The following ACTR5 variants were observed in gnomAD, a reference collection of about 807,000 sequenced individuals.
The protein encoded by ACTR5 is actin related protein 5.
A neutral mutation model predicts 61.2 loss-of-function variants in ACTR5; 43 were observed. The ratio of observed to expected loss-of-function variants is 0.70; its 90% confidence interval spans 0.55 to 0.91. The LOEUF (loss-of-function observed/expected upper bound fraction) is 0.91. ACTR5 is among the 40% of genes least tolerant of loss of function. The pLI is 0.00. For missense variants in ACTR5, 798 were observed against 782.2 expected (o/e 1.02, Z -0.24); for synonymous variants, 333 against 310.5 (o/e 1.07, Z -0.76).
intron 8 of ACTR5, among the ~76,000 whole-genome samples, chr20:38,769,950 G>GA (rs892334257): frequency 6.6e-6 from 1 of 152,026 alleles, no homozygotes; most frequent in Non-Finnish European, 1.5e-5. Context: ...AAGTAGTAGA[G>GA]AAAAAAATCG....
rs202164499 is a variant in ACTR5 at position 38,750,168 on chromosome 20, C to T, written c.534C>T (p.Asn178=). ...GCTTCTACCACAATAAGCCAAAGAA[C>T]TCGATGTGCAGTGGGCTAATCATTT... is the stretch of plus-strand genomic sequence containing the variant. ...LFSFYHNKPK[N]SMCSGLIISS... The change falls in exon 2 of 9, where the codon AAC becomes AAT. Residue 178 remains asparagine, a synonymous_variant. Transcript: ENST00000243903. The T allele has an allele frequency of 6.2e-6, 10 of 1,614,218 alleles. No individual in the cohort carries two copies. The African/African-American group carries it at 8.0e-5, about 13-fold the overall frequency.
Position 38,767,567 on chromosome 20 carries a change from G to A in ACTR5, c.1537G>A (p.Glu513Lys). ...AGCCAGAATGGAGAAGGAACTGTTGGAGATGAGACCCTTCCGGTCTTCTTT... is the reference window on the plus strand; with the variant it reads ...AGCCAGAATGGAGAAGGAACTGTTGAAGATGAGACCCTTCCGGTCTTCTTT... Reference protein sequence around the residue: ...MKARMEKELLEMRPFRSSFQV... With the variant: ...MKARMEKELLKMRPFRSSFQV... The change falls in exon 8 of 9, where the codon GAG becomes AAG. Residue 513 changes from glutamate to lysine, a missense_variant. Glu to Lys is a moderately conservative substitution (Grantham distance 56, BLOSUM62 1). Coordinates refer to ENST00000243903, the MANE Select transcript of ACTR5 (RefSeq NM_024855.4). 6.2e-7 allele frequency: 1 copy of A among 1,614,020 alleles called. No individual in the cohort carries two copies. The highest frequency in any genetic ancestry group is 8.5e-7 in the Non-Finnish European group (1 of 1,179,940).
chr20:38,765,066 G>T (rs753765433), intron 5 of ACTR5, among the ~76,000 whole-genome samples: 19 of 152,222 alleles, frequency 1.2e-4, no homozygotes, highest in Non-Finnish European at 2.6e-4. Flanking sequence ...CCTTCTCTTA[G>T]AGTTGCGTGT....
In ACTR5 at chr20:38,755,189, A is replaced by T. The variant is rs770766360; in HGVS notation, c.993+15A>T. 1 of 1,575,670 alleles carries T rather than the reference A, an allele frequency of 6.3e-7. No individual in the cohort carries two copies. Among genetic ancestry groups the T allele is most frequent in the Non-Finnish European group, 8.6e-7 (1 of 1,160,464 alleles). ...TATATGTGCAGGTAATAGCAGACACAGGGACGGGCGCCCTTCCGTGTTAAC... is the reference window on the plus strand; with the variant it reads ...TATATGTGCAGGTAATAGCAGACACTGGGACGGGCGCCCTTCCGTGTTAAC... On this transcript the variant is annotated intron_variant, in intron 4 of 8. Transcript: ENST00000243903.
At chr20:38,758,291 C>T (rs536453811) in intron 5 of ACTR5, among the ~76,000 whole-genome samples, 1 of 152,232 alleles carries the variant, frequency 6.6e-6, no homozygotes, top group Admixed American at 6.5e-5. Context: ...TTTAAATCTC[C>T]TTGGGTTTAG....
At chr20:38,761,244 G>A (rs187382688) in intron 5 of ACTR5, among the ~76,000 whole-genome samples, 111 of 152,202 alleles carry the variant, frequency 7.3e-4, no homozygotes, top group Middle Eastern at 3.4e-3. Flanking sequence ...CTTTAAAATT[G>A]TTGTAGGACA....
At position 38,755,055 on chromosome 20, in the gene ACTR5, G is replaced by A. The variant is rs1474226488; in HGVS notation, c.874G>A (p.Glu292Lys). 2 of 1,614,138 alleles carry A rather than the reference G, an allele frequency of 1.2e-6. No homozygotes were observed. The highest frequency in any genetic ancestry group is 2.7e-5 in the African/African-American group (2 of 74,948). The change falls in exon 4 of 9, where the codon GAG becomes AAG. Residue 292 changes from glutamate (E) to lysine (K), a missense_variant. Transcript: ENST00000243903. The part of the protein sequence containing the change: ...SKLLGSTLTS[E>K]EKQERRQQQL... The stretch of plus-strand genomic sequence containing the variant: ...GCTCCTGGGCAGCACTCTGACCTCT[G>A]AGGAGAAACAAGAAAGGCGGCAGCA...
chr20:38,750,588 T>C (rs964234408), intron 2 of ACTR5, among the ~76,000 whole-genome samples: 3 of 143,564 alleles, frequency 2.1e-5, no homozygotes, highest in African/African-American at 7.6e-5. Context: ...ACCATCTTTG[T>C]GTTCTGGAGT....
Position 38,771,897 on chromosome 20 carries a change from A to G in ACTR5, c.*81A>G, listed in dbSNP as rs898964183. 6.7e-7 allele frequency: 1 copy of G among 1,502,818 alleles called. No homozygotes were observed. The highest frequency in any genetic ancestry group is 1.4e-5 in the African/African-American group (1 of 72,446). The allele number at this position is 1,502,818 out of a possible 1,614,324, so 93.1% of individuals were successfully genotyped here. On this transcript the variant is annotated 3_prime_UTR_variant, in exon 9 of 9. Coordinates refer to ENST00000243903, the MANE Select transcript of ACTR5 (RefSeq NM_024855.4). Reference sequence around the variant, plus strand: ...TGTGACAGGACTGTGATTGTGCTAGATGTACCTGCCCAAGTCTGCTGGTCA... The same window carrying G: ...TGTGACAGGACTGTGATTGTGCTAGGTGTACCTGCCCAAGTCTGCTGGTCA...
chr20:38,758,092 G>T (rs1400649654), intron 5 of ACTR5, among the ~76,000 whole-genome samples: 1 of 151,510 alleles, frequency 6.6e-6, no homozygotes, highest in Non-Finnish European at 1.5e-5. Flanking sequence ...AGGGATTTCA[G>T]ATTTCAAAAA....
chr20:38,755,272 C>T (rs529387368), intron 4 of ACTR5, 98 bp downstream of exon 4: 2 of 1,317,564 alleles, frequency 1.5e-6, no homozygotes, highest in African/African-American at 1.5e-5. Flanking sequence ...GATGCTTTGA[C>T]TGTTTGTCAC....
chr20:38,767,426 G>C (rs749767793), intron 7 of ACTR5, 38 bp from the exon 8 acceptor site: 1 of 1,564,904 alleles, frequency 6.4e-7, no homozygotes, highest in South Asian at 1.2e-5. Context: ...TCTGATATTT[G>C]AGTTAAGGGA....
chr20:38,770,341 C>G (rs1448093994), intron 8 of ACTR5, among the ~76,000 whole-genome samples: 1 of 152,194 alleles, frequency 6.6e-6, no homozygotes, highest in East Asian at 1.9e-4. Context: ...TTAAATATTA[C>G]AAAAATATCA....
Position 38,765,449 on chromosome 20 carries a change from C to T in ACTR5, c.1224C>T (p.Ser408=), listed in dbSNP as rs746602299. 2.5e-6 allele frequency: 4 copies of T among 1,614,154 alleles called. No homozygotes were observed. The highest frequency in any genetic ancestry group is 3.4e-6 in the Non-Finnish European group (4 of 1,180,026). The change falls in exon 6 of 9, where the codon AGC becomes AGT. Residue 408 remains serine, a synonymous_variant. Transcript: ENST00000243903. The stretch of plus-strand genomic sequence containing the variant: ...AGCCGTCTTTGGAAGATGTGGAAAG[C>T]ATGAATGATTTTGATCCCTTGTTTT... ...QLEPSLEDVE[S]MNDFDPLFSE... is the part of the protein sequence containing the mutation.
chr20:38,767,956 T>A (rs1348945971), intron 8 of ACTR5, among the ~76,000 whole-genome samples: 1 of 152,042 alleles, frequency 6.6e-6, no homozygotes, highest in Non-Finnish European at 1.5e-5. Flanking sequence ...GGCCAGAAGC[T>A]TGTTGAGGGA....
chr20:38,752,221 G>A lies in ACTR5; in HGVS notation c.696G>A (p.Gly232=), dbSNP rs186272506. ...LQRLLQLKYP[G]HLAAITLSRM... ...GTCTCCTCCAGCTGAAGTACCCTGG[G>A]CACCTGGCAGCCATCACCCTCAGCC... Residue 232 remains glycine (G), a synonymous_variant, in exon 3 of 9, where the codon GGG becomes GGA. Transcript: ENST00000243903. 180 of 1,614,092 alleles carry A rather than the reference G, an allele frequency of 1.1e-4. 4 individuals are homozygous for A. In the Admixed American group the frequency reaches 2.4e-3, roughly 22 times the overall value.
At chr20:38,752,366 C>A in intron 3 of ACTR5, 66 bp downstream of exon 3, 2 of 1,490,966 alleles carry the variant, frequency 1.3e-6, no homozygotes, top group Non-Finnish European at 1.8e-6. Context: ...TAAATTATTG[C>A]CAGCATGATT....
At chr20:38,762,041 C>G (rs2084458136) in intron 5 of ACTR5, among the ~76,000 whole-genome samples, 1 of 152,222 alleles carries the variant, frequency 6.6e-6, no homozygotes, top group East Asian at 1.9e-4. Context: ...AAAACAGCAA[C>G]CATTTTATTG....
intron 8 of ACTR5, among the ~76,000 whole-genome samples, chr20:38,768,137 G>A (rs1438975570): frequency 3.9e-5 from 6 of 152,142 alleles, no homozygotes; most frequent in East Asian, 1.9e-4. Context: ...TCAGGGGGGC[G>A]TCTCTGGGCT....
Sources: gnomAD v4.1 joint callset for allele counts (sites outside exome capture counted in the v4.1 genomes callset) on GRCh38, gnomAD v4.1.1 for gene constraint, MANE v1.5 for transcripts, NCBI Gene and HGNC (gene_info 2026-07-23, HGNC 2026-07-21) for gene names.